The following EXOC7 variants were observed in gnomAD, a reference collection of about 807,000 sequenced individuals.
EXOC7 encodes the protein exocyst complex component Exo70.
A neutral mutation model predicts 87.6 loss-of-function variants in EXOC7; 51 were observed. The ratio of observed to expected loss-of-function variants is 0.58; its 90% CI spans 0.46 to 0.73. The LOEUF (loss-of-function observed/expected upper bound fraction) is 0.73. Ranked by LOEUF, EXOC7 falls within the 30% of genes least tolerant of loss-of-function variation. The pLI is 0.00. For missense variants in EXOC7, 744 were observed against 888.4 expected (o/e 0.84, Z 2.07); for synonymous variants, 327 against 357.1 (o/e 0.92, Z 0.95).
chr17:76,083,646 G>C lies in EXOC7; in HGVS notation c.*2C>G. 6.2e-7 allele frequency: 1 copy of C among 1,613,628 alleles called. No homozygotes were observed. The stretch of plus-strand genomic sequence containing the variant: ...TGGAACCAGGCAGGGCTAGCAGCAG[G>C]CTCAGGCAGAGGTGTCGAAAAGGCG... On this transcript the variant is annotated 3_prime_UTR_variant, in exon 19 of 19. Coordinates refer to ENST00000589210, the MANE Select transcript of EXOC7 (RefSeq NM_001013839.4).
In EXOC7 at chr17:76,082,622, C is replaced by T. The variant is rs2067032210; in HGVS notation, c.*1026G>A. 3.1e-6 allele frequency: 5 copies of T among 1,612,842 alleles called. No homozygotes were observed. The Admixed American group carries it at 6.7e-5, about 22-fold the overall frequency. On this transcript the variant is annotated 3_prime_UTR_variant, in exon 19 of 19. Coordinates refer to ENST00000589210, the MANE Select transcript of EXOC7 (RefSeq NM_001013839.4). Reference sequence around the variant, plus strand: ...AAGTCTGACGCAGCCCCTGGAGAGGCTGCACCCCATGGCAGGCGGCCTAGA... The same window carrying T: ...AAGTCTGACGCAGCCCCTGGAGAGGTTGCACCCCATGGCAGGCGGCCTAGA...
rs1010663936 is a variant in EXOC7, at chr17:76,103,746, C to T, written c.-54G>A. The T allele has an allele frequency of 2.0e-6, 3 of 1,535,062 alleles. No homozygotes were observed. The highest frequency in any genetic ancestry group is 2.6e-6 in the Non-Finnish European group (3 of 1,135,578). On this transcript the variant is annotated 5_prime_UTR_variant, in exon 1 of 19. Coordinates refer to ENST00000589210, the MANE Select transcript of EXOC7 (RefSeq NM_001013839.4). Reference sequence around the variant, plus strand: ...CAGTATCTTTCCTCCGCGGGCCCACCGGGCCCCCGTCCCCGTCACACCCAC... The same window carrying T: ...CAGTATCTTTCCTCCGCGGGCCCACTGGGCCCCCGTCCCCGTCACACCCAC...
At chr17:76,086,752 C>A in intron 12 of EXOC7, 1 of 1,063,354 alleles carries the variant, frequency 9.4e-7, no homozygotes, top group Non-Finnish European at 1.4e-6. Flanking sequence ...CATGTCCCCT[C>A]TGACTCAGGC....
intron 9 of EXOC7, 90 bp from the exon 10 acceptor site, chr17:76,088,652 C>A: frequency 1.3e-6 from 2 of 1,595,408 alleles, no homozygotes; most frequent in Non-Finnish European, 1.7e-6. Context: ...TGCTTCCATG[C>A]ACCTTCAGAG....
Position 76,081,107 on chromosome 17 carries a change from T to C in EXOC7, c.*2541A>G, listed in dbSNP as rs944747038. The C allele has an allele frequency of 8.6e-6, 7 of 809,662 alleles. No homozygotes were observed. In the African/African-American group the frequency reaches 8.7e-5, roughly 10 times the overall value. 50.2% of individuals were successfully genotyped at this position (809,662 alleles called of 1,614,324 possible). ...CTTCAACTGGAGACAATTTGGGATG[T>C]TGCAAAACAAGGTTTGGGAAGCCCT... On this transcript the variant is annotated 3_prime_UTR_variant, in exon 19 of 19. Transcript: ENST00000589210.
chr17:76,092,752 G>A (rs1239194248), intron 6 of EXOC7: 1 of 152,170 alleles, frequency 6.6e-6, no homozygotes, highest in Non-Finnish European at 1.5e-5. Context: ...GCAGGATGTG[G>A]GTCGCCGATG....
intron 12 of EXOC7, 46 bp from the exon 13 acceptor site, chr17:76,086,191 C>A (rs1330583173): frequency 6.4e-7 from 1 of 1,568,314 alleles, no homozygotes; most frequent in South Asian, 1.1e-5. Context: ...CAGCCAAGAC[C>A]CTCAACGGCC....
intron 3 of EXOC7, 71 bp downstream of exon 3, chr17:76,101,608 G>T: frequency 6.6e-7 from 1 of 1,524,968 alleles, no homozygotes; most frequent in Non-Finnish European, 8.9e-7. Context: ...CAAATTGTTG[G>T]GATTACAGAC....
intron 11 of EXOC7, 24 bp downstream of exon 11, chr17:76,088,036 C>T (rs1567964757): frequency 6.2e-7 from 1 of 1,613,786 alleles, no homozygotes; most frequent in Non-Finnish European, 8.5e-7. Flanking sequence ...TCCCCTCTCC[C>T]TGGTGTCCTC....
chr17:76,099,733 T>C (rs1204289147), intron 4 of EXOC7, among the ~76,000 whole-genome samples: 2 of 151,972 alleles, frequency 1.3e-5, no homozygotes, highest in Admixed American at 6.6e-5. Context: ...AGACAGAAAA[T>C]AGATTTGTGA....
intron 12 of EXOC7, 117 bp downstream of exon 12, chr17:76,087,537 A>T: frequency 1.9e-6 from 2 of 1,031,508 alleles, no homozygotes; most frequent in Non-Finnish European, 2.8e-6. Flanking sequence ...TCTGCTGAGC[A>T]CACCTCAACC....
Position 76,082,556 on chromosome 17 carries a change from C to G in EXOC7, c.*1092G>C. On this transcript the variant is annotated 3_prime_UTR_variant, in exon 19 of 19. Coordinates refer to ENST00000589210, the MANE Select transcript of EXOC7 (RefSeq NM_001013839.4). ...GTGTATGTGGTTGGGGTGCTGTGCA[C>G]CCAATTCGTCTTTGCAGGAATCTGG... 1 of 1,613,788 alleles carries G rather than the reference C, an allele frequency of 6.2e-7. No homozygotes were observed. Among genetic ancestry groups the G allele is most frequent in the Non-Finnish European group, 8.5e-7 (1 of 1,179,924 alleles).
intron 5 of EXOC7, among the ~76,000 whole-genome samples, chr17:76,096,283 G>A (rs919952690): frequency 5.3e-5 from 8 of 152,118 alleles, no homozygotes; most frequent in African/African-American, 1.9e-4. Context: ...AGAGGCCGAG[G>A]CAGGTGGATC....
chr17:76,085,551 G>T, intron 14 of EXOC7, 126 bp downstream of exon 14: 1 of 1,537,758 alleles, frequency 6.5e-7, no homozygotes, highest in Non-Finnish European at 8.9e-7. Context: ...TCCTGGGGTG[G>T]AGGAGACTGA....
chr17:76,090,882 AG>A lies in EXOC7; in HGVS notation c.901+260del, dbSNP rs564965648. 54 of 556,760 alleles carry A rather than the reference AG, an allele frequency of 9.7e-5. 1 individual carries two copies. The highest frequency in any genetic ancestry group is 1.5e-4 in the Non-Finnish European group (48 of 311,694). 34.5% of individuals were successfully genotyped at this position (556,760 alleles called of 1,614,324 possible). ...CAAATAACTTTTTCTGAGTTCACAC[AG>A]GAGACAAGGACAGAGACAGGGAAGG... On this transcript the variant is annotated intron_variant, in intron 7 of 18. Transcript: ENST00000589210.
At chr17:76,103,059 AC>A (rs952638105) in intron 2 of EXOC7, 3 of 421,894 alleles carry the variant, frequency 7.1e-6, no homozygotes, top group African/African-American at 2.1e-5. Context: ...TATGCCCAGT[AC>A]CTAGCCCAAC....
chr17:76,089,488 G>A (rs762854555), intron 7 of EXOC7, 168 bp from the exon 8 acceptor site: 2 of 765,390 alleles, frequency 2.6e-6, no homozygotes, highest in Admixed American at 5.5e-5. Context: ...GGCCCCGCCA[G>A]GTTCGAGGGG....
intron 7 of EXOC7, chr17:76,090,586 A>T (rs1044409116): frequency 7.1e-6 from 8 of 1,123,406 alleles, no homozygotes; most frequent in Non-Finnish European, 8.8e-6. Context: ...CAGCCGTTTC[A>T]AGCCTGACTT....
Position 76,091,198 on chromosome 17 carries a change from A to T in EXOC7, c.846T>A (p.Tyr282Ter). 2 of 1,614,168 alleles carry T rather than the reference A, an allele frequency of 1.2e-6. No homozygotes were observed. The highest frequency in any genetic ancestry group is 1.7e-6 in the Non-Finnish European group (2 of 1,180,024). ...IRKAQNLLKQYSQHGLDGKKG... is the reference protein window; with the variant it reads ...IRKAQNLLKQ ...TTTTCCCATCTAGACCATGCTGGGAATACTGTTTCAGAAGGTTCTGAGCCT... is the reference window on the plus strand; with the variant it reads ...TTTTCCCATCTAGACCATGCTGGGATTACTGTTTCAGAAGGTTCTGAGCCT... The change falls in exon 7 of 19, where the codon TAT becomes TAA. Residue 282 changes from tyrosine to a stop codon, truncating the protein, a stop_gained. Coordinates refer to ENST00000589210, the MANE Select transcript of EXOC7 (RefSeq NM_001013839.4). LOFTEE classifies it high-confidence loss of function.
Sources: gnomAD v4.1 joint callset for allele counts (sites outside exome capture counted in the v4.1 genomes callset) on GRCh38, gnomAD v4.1.1 for gene constraint, MANE v1.5 for transcripts, NCBI Gene and HGNC (gene_info 2026-07-23, HGNC 2026-07-21) for gene names.